The following ALDH4A1 variants were observed in gnomAD, a reference collection of about 807,000 sequenced individuals.
The protein encoded by ALDH4A1 is delta-1-pyrroline-5-carboxylate dehydrogenase, mitochondrial.
A neutral mutation model predicts 70.5 loss-of-function variants in ALDH4A1; 46 were observed. The ratio of observed to expected loss-of-function variants is 0.65; its 90% CI spans 0.51 to 0.83. ALDH4A1 has a LOEUF of 0.83. Ranked by LOEUF, ALDH4A1 falls within the 40% of genes least tolerant of loss-of-function variation. The pLI is 0.00. For synonymous variants in ALDH4A1, 323 were observed against 324.3 expected (o/e 1.00, Z 0.04); for missense variants, 749 against 766.5 (o/e 0.98, Z 0.27).
chr1:18,893,493 A>C (rs11484743), intron 1 of ALDH4A1, among the ~76,000 whole-genome samples: 4,170 of 152,098 alleles, frequency 0.027, 102 homozygotes, highest in African/African-American at 0.063. Context: ...AATGCACAGC[A>C]AATCAGTAGC....
Position 18,872,934 on chromosome 1 carries a change from G to A in ALDH4A1, c.1603C>T (p.Pro535Ser), listed in dbSNP as rs1934509573. The A allele has an allele frequency of 6.2e-7, 1 of 1,614,060 alleles. No homozygotes were observed. The highest frequency in any genetic ancestry group is 8.5e-7 in the Non-Finnish European group (1 of 1,180,020). Residue 535 changes from proline to serine, a missense_variant, in exon 15 of 15, where the codon CCA becomes TCA. By Grantham distance (74) the Pro-to-Ser change is moderately conservative (BLOSUM62 -1). Transcript: ENST00000375341. ...ASGTNDKPGG[P>S]HYILRWTSPQ... ...GACGTCCAGCGCAGGATGTAGTGTG[G>A]GCCCCCTGGCTTGTCATTGGTTCCT...
At chr1:18,882,943 C>G (rs533319110) in intron 7 of ALDH4A1, among the ~76,000 whole-genome samples, 181 bp downstream of exon 7, 2 of 152,232 alleles carry the variant, frequency 1.3e-5, no homozygotes, top group African/African-American at 4.8e-5. Context: ...AGAGGCACGA[C>G]GCTGGGATTC....
At chr1:18,883,926 C>T (rs1344119437) in intron 5 of ALDH4A1, among the ~76,000 whole-genome samples, 14 of 152,262 alleles carry the variant, frequency 9.2e-5, no homozygotes, top group African/African-American at 2.4e-4. Context: ...GGCCAAAAAC[C>T]AAGAGGCGAG....
chr1:18,876,960 C>T (rs1319368269), intron 11 of ALDH4A1, among the ~76,000 whole-genome samples: 1 of 152,228 alleles, frequency 6.6e-6, no homozygotes, highest in Non-Finnish European at 1.5e-5. Context: ...TGTACATGCA[C>T]TCATGCAAAT....
At position 18,881,745 on chromosome 1, in the gene ALDH4A1, G is replaced by A. The variant is rs769838452; in HGVS notation, c.821C>T (p.Thr274Ile). The change falls in exon 8 of 15, where the codon ACC (threonine) becomes ATC (isoleucine). Residue 274 changes from threonine (T) to isoleucine (I), a missense_variant. Transcript: ENST00000375341. ...GATGCCACAGAGGTGCTCTGAGCTG[G>A]TGACAGTGTCCCCAAATAGGGGCCC... ...ADGPLFGDTV[T>I]SSEHLCGINF... The A allele has an allele frequency of 5.6e-6, 9 of 1,614,110 alleles. No homozygotes were observed. In the South Asian group the frequency reaches 7.7e-5, roughly 14 times the overall value.
intron 11 of ALDH4A1, 123 bp from the exon 12 acceptor site, chr1:18,876,590 G>A: frequency 8.3e-7 from 1 of 1,200,966 alleles, no homozygotes; most frequent in Non-Finnish European, 1.1e-6. Context: ...ACAGGGGCAG[G>A]GGTAGGGGAC....
rs752190187 is a variant in ALDH4A1 at position 18,885,526 on chromosome 1, TGTCTGCCGC to T, written c.391_399del (p.Ala131_Asp133del). On this transcript the variant is annotated inframe_deletion, in exon 5 of 15. Coordinates refer to ENST00000375341, the MANE Select transcript of ALDH4A1 (RefSeq NM_003748.4). ...TCAGCCCTGCGCGGCCCACTCAGCA[TGTCTGCCGC>T]CTTCAGGAAGATCTGGGCCCGGTCT... is the stretch of plus-strand genomic sequence containing the variant. 3 of 1,580,626 alleles carry T rather than the reference TGTCTGCCGC, an allele frequency of 1.9e-6. No homozygotes were observed. Among genetic ancestry groups the T allele is most frequent in the Non-Finnish European group, 2.6e-6 (3 of 1,162,740 alleles).
chr1:18,882,348 G>A (rs1482209708), intron 7 of ALDH4A1, among the ~76,000 whole-genome samples: 2 of 152,178 alleles, frequency 1.3e-5, no homozygotes, highest in East Asian at 3.9e-4. Context: ...CATGTCCCTA[G>A]TACACACTCC....
chr1:18,885,431 A>AACCCCCCCCCCCCCCCCCCCCCC, intron 5 of ALDH4A1, 42 bp downstream of exon 5: 1 of 478,974 alleles, frequency 2.1e-6, no homozygotes. Flanking sequence ...CCTGACTCCC[A>AACCCCCCCCCCCCCCCCCCCCCC]CCCCACCCCG....
chr1:18,882,538 G>A (rs759364262), intron 7 of ALDH4A1: 12 of 527,788 alleles, frequency 2.3e-5, no homozygotes, highest in East Asian at 1.1e-4. Context: ...CATCAACCCC[G>A]AGAGAGACTA....
chr1:18,872,995 G>C lies in ALDH4A1; in HGVS notation c.1580-38C>G, dbSNP rs772119320. On this transcript the variant is annotated intron_variant, in intron 14 of 14. Coordinates refer to ENST00000375341, the MANE Select transcript of ALDH4A1 (RefSeq NM_003748.4). ...CACTTCTGTTTTTCTCTGAAAAGATGCAACAGCCTGGGCAGAAGGGGAAGG... is the reference window on the plus strand; with the variant it reads ...CACTTCTGTTTTTCTCTGAAAAGATCCAACAGCCTGGGCAGAAGGGGAAGG... 9.1e-6 allele frequency: 14 copies of C among 1,542,004 alleles called. No individual in the cohort carries two copies. In the South Asian group the frequency reaches 1.3e-4, roughly 15 times the overall value.
Position 18,888,042 on chromosome 1 carries a change from T to C in ALDH4A1, c.249+1320A>G, listed in dbSNP as rs146855704. Among the ~76,000 whole-genome samples, 164 of 152,338 alleles carry C rather than the reference T, an allele frequency of 1.1e-3. 1 individual carries two copies. The highest frequency in any genetic ancestry group is 3.8e-3 in the African/African-American group (159 of 41,578). On this transcript the variant is annotated intron_variant, in intron 3 of 14. Coordinates refer to ENST00000375341, the MANE Select transcript of ALDH4A1 (RefSeq NM_003748.4). Reference sequence around the variant, plus strand: ...ACACTTTTGCTACCTATCCGTCTTCTGGTGGGTTATTGGAGCTTTCCTGTC... The same window carrying C: ...ACACTTTTGCTACCTATCCGTCTTCCGGTGGGTTATTGGAGCTTTCCTGTC...
chr1:18,878,503 C>T (rs1934822620), intron 9 of ALDH4A1, among the ~76,000 whole-genome samples: 2 of 152,104 alleles, frequency 1.3e-5, no homozygotes, highest in African/African-American at 4.8e-5. Flanking sequence ...CACAGAGAAA[C>T]ATGCTGGACC....
chr1:18,897,132 G>T (rs749094187), intron 1 of ALDH4A1: 1 of 520,366 alleles, frequency 1.9e-6, no homozygotes, highest in African/African-American at 1.9e-5. Flanking sequence ...AACTTTTTGA[G>T]TGTCAACGTG....
At position 18,881,714 on chromosome 1, in the gene ALDH4A1, G is replaced by T. The variant is rs779646061; in HGVS notation, c.852C>A (p.Phe284Leu). 1.2e-5 allele frequency: 20 copies of T among 1,613,960 alleles called. No homozygotes were observed. Among genetic ancestry groups the T allele is most frequent in the Non-Finnish European group, 1.5e-5 (18 of 1,180,042 alleles). The change falls in exon 8 of 15, where the codon TTC (phenylalanine) becomes TTA (leucine). Residue 284 changes from phenylalanine to leucine, a missense_variant. Physicochemically the swap from Phe to Leu is conservative, Grantham distance 22. Coordinates refer to ENST00000375341, the MANE Select transcript of ALDH4A1 (RefSeq NM_003748.4). ...TSSEHLCGIN[F>L]TGSVPTFKHL... ...CAGGGACTTACGGCACACTGCCTGT[G>T]AAGTTGATGCCACAGAGGTGCTCTG...
intron 1 of ALDH4A1, among the ~76,000 whole-genome samples, chr1:18,893,224 G>T (rs953005837): frequency 4.6e-5 from 7 of 152,202 alleles, no homozygotes; most frequent in African/African-American, 1.4e-4. Flanking sequence ...TGACCTCAGT[G>T]CATTCTTAGA....
In ALDH4A1 at chr1:18,877,202, C is replaced by T. The variant is rs1283414600; in HGVS notation, c.1185+6G>A. 1.2e-6 allele frequency: 2 copies of T among 1,607,800 alleles called. No individual in the cohort carries two copies. The highest frequency in any genetic ancestry group is 2.7e-5 in the African/African-American group (2 of 74,670). On this transcript the variant is annotated splice_donor_region_variant and intron_variant, in intron 11 of 14. Transcript: ENST00000375341. Reference sequence around the variant, plus strand: ...CACCCAGGAACGCCCACTTCCCACCCCGTACCTTGGCATCAATCACTGCAG... The same window carrying T: ...CACCCAGGAACGCCCACTTCCCACCTCGTACCTTGGCATCAATCACTGCAG...
chr1:18,878,791 ACTGTTT>A (rs1934839950), intron 9 of ALDH4A1, among the ~76,000 whole-genome samples: 1 of 152,056 alleles, frequency 6.6e-6, no homozygotes, highest in African/African-American at 2.4e-5. Context: ...TGACCATGAA[ACTGTTT>A]CTTTGTGGGA....
chr1:18,885,456 G>GCC lies in ALDH4A1; in HGVS notation c.453+15_453+16dup. Reference sequence around the variant, plus strand: ...ACCCCACCCCGCCCCACCCACCCGGGCCCACCAGCACCTCACCTGTCCCAC... The same window carrying GCC: ...ACCCCACCCCGCCCCACCCACCCGGGCCCCCACCAGCACCTCACCTGTCCCAC... On this transcript the variant is annotated intron_variant, in intron 5 of 14. Transcript: ENST00000375341. The GCC allele has an allele frequency of 5.5e-6, 3 of 541,842 alleles. No individual in the cohort carries two copies. Among genetic ancestry groups the GCC allele is most frequent in the Non-Finnish European group, 9.3e-6 (3 of 324,000 alleles). The allele number at this position is 541,842 out of a possible 1,614,324, so 33.6% of individuals were successfully genotyped here. A position where few individuals can be genotyped will look rare whatever the true frequency, so the allele number is the denominator to read the frequency against.
Sources: gnomAD v4.1 joint callset for allele counts (sites outside exome capture counted in the v4.1 genomes callset) on GRCh38, gnomAD v4.1.1 for gene constraint, MANE v1.5 for transcripts, NCBI Gene and HGNC (gene_info 2026-07-23, HGNC 2026-07-21) for gene names.